SLC44A4: variants seen among roughly 807,000 people sequenced by gnomAD.
SLC44A4 encodes choline transporter-like protein 4.
In SLC44A4, 74 loss-of-function variants were observed where a neutral mutation model predicts 97.0. That is an observed-to-expected ratio of 0.76 (90% confidence interval 0.63 to 0.93). The LOEUF (loss-of-function observed/expected upper bound fraction) is 0.93. SLC44A4 is among the 40% of genes least tolerant of loss of function. The pLI is 0.00. For missense variants in SLC44A4, 799 were observed against 902.9 expected, an observed-to-expected ratio of 0.88 and a Z score of 1.48; for synonymous variants, 325 against 363.8, an observed-to-expected ratio of 0.89 and a Z score of 1.21.
chr6:31,874,238 C>T lies in SLC44A4; in HGVS notation c.529+222G>A, dbSNP rs1441716807. ...AGCTGAAGCAGGGAGCAGTTGTTAT[C>T]CCTGCCTCTGTCCCCAGCACCTGGC... On this transcript the variant is annotated intron_variant, in intron 7 of 20. Coordinates refer to ENST00000229729, the MANE Select transcript of SLC44A4 (RefSeq NM_025257.3). The surrounding 1 kb of genome is among the most constrained non-coding windows in gnomAD (Gnocchi z 4.8). 6.6e-6 allele frequency among the ~76,000 whole-genome samples: 1 copy of T among 152,190 alleles called. No homozygotes were observed. Among genetic ancestry groups the T allele is most frequent in the Non-Finnish European group, 1.5e-5 (1 of 68,036 alleles).
chr6:31,864,682 T>G lies in SLC44A4; in HGVS notation c.1981A>C (p.Met661Leu), dbSNP rs745650755. The G allele has an allele frequency of 6.2e-7, 1 of 1,613,478 alleles. No individual in the cohort carries two copies. Among genetic ancestry groups the G allele is most frequent in the Non-Finnish European group, 8.5e-7 (1 of 1,179,976 alleles). The change falls in exon 20 of 21, where the codon ATG (methionine) becomes CTG (leucine). Residue 661 changes from methionine (M) to leucine (L), a missense_variant. By Grantham distance (15) the Met-to-Leu change is conservative. Coordinates refer to ENST00000229729, the MANE Select transcript of SLC44A4 (RefSeq NM_025257.3). ...IASGFFSVFG[M>L]CVDTLFLCFL... Reference sequence around the variant, plus strand: ...CAGAGGAAGAGCGTGTCCACACACATGCCGAAAACGCTGAAGAAGCCGCTG... The same window carrying G: ...CAGAGGAAGAGCGTGTCCACACACAGGCCGAAAACGCTGAAGAAGCCGCTG...
rs373224045 is a variant in SLC44A4, at chr6:31,869,651, A to G, written c.1038-14T>C. 122 of 1,588,276 alleles carry G rather than the reference A, an allele frequency of 7.7e-5. No homozygotes were observed. The highest frequency in any genetic ancestry group is 9.4e-5 in the Non-Finnish European group (110 of 1,166,714). On this transcript the variant is annotated splice_polypyrimidine_tract_variant and intron_variant, in intron 11 of 20. Transcript: ENST00000229729. ...TGTCCCACAGCCCTGCAGGGAGACAAAGCTGTTAACCGGCACCGCCCCAGC... is the reference window on the plus strand; with the variant it reads ...TGTCCCACAGCCCTGCAGGGAGACAGAGCTGTTAACCGGCACCGCCCCAGC...
Position 31,863,276 on chromosome 6 carries a change from A to G in SLC44A4, c.*351T>C, listed in dbSNP as rs1008813329. 16 of 251,192 alleles carry G rather than the reference A, an allele frequency of 6.4e-5. No individual in the cohort carries two copies. Among genetic ancestry groups the G allele is most frequent in the Non-Finnish European group, 1.1e-4 (14 of 131,184 alleles). The allele number at this position is 251,192 out of a possible 1,614,324, so 15.6% of individuals were successfully genotyped here. A position where few individuals can be genotyped will look rare whatever the true frequency, so the allele number is the denominator to read the frequency against. Reference sequence around the variant, plus strand: ...AGACAGAGTCTGTCACCCAGGTTGGAGTGCAGTGGCGCGATCTCGGCTCAC... The same window carrying G: ...AGACAGAGTCTGTCACCCAGGTTGGGGTGCAGTGGCGCGATCTCGGCTCAC... On this transcript the variant is annotated 3_prime_UTR_variant, in exon 21 of 21. Transcript: ENST00000229729.
At chr6:31,869,854 G>A (rs769714246) in intron 11 of SLC44A4, among the ~76,000 whole-genome samples, 1 of 152,132 alleles carries the variant, frequency 6.6e-6, no homozygotes, top group Admixed American at 6.5e-5. Flanking sequence ...GCATGGTGGC[G>A]GGCGCCTGTA....
rs376956552 is a variant in SLC44A4 at position 31,876,097 on chromosome 6, A to G, written c.122T>C (p.Phe41Ser). ...SCTDVICCVLFLLFILGYIVV... is the reference protein window; with the variant it reads ...SCTDVICCVLSLLFILGYIVV... ...GATGTAACCTAGAATGAAGAGCAGGAAGAGGACGCAGCAGATGACATCTGT... is the reference window on the plus strand; with the variant it reads ...GATGTAACCTAGAATGAAGAGCAGGGAGAGGACGCAGCAGATGACATCTGT... Residue 41 changes from phenylalanine to serine, a missense_variant, in exon 3 of 21, where the codon TTC becomes TCC. By Grantham distance (155) the Phe-to-Ser change is radical. Coordinates refer to ENST00000229729, the MANE Select transcript of SLC44A4 (RefSeq NM_025257.3). The surrounding 1 kb of genome is among the most constrained non-coding windows in gnomAD (Gnocchi z 4.8). 16 of 1,613,564 alleles carry G rather than the reference A, an allele frequency of 9.9e-6. No homozygotes were observed. The highest frequency in any genetic ancestry group is 1.4e-5 in the Non-Finnish European group (16 of 1,179,920).
chr6:31,864,437 A>T (rs1440067120), intron 20 of SLC44A4: 12 of 600,480 alleles, frequency 2.0e-5, no homozygotes, highest in Non-Finnish European at 3.5e-5. Flanking sequence ...CTCCATCAGA[A>T]TGCTCCTTCT....
rs551617179 is a variant in SLC44A4, at chr6:31,877,144, G to A, written c.41-62C>T. Reference sequence around the variant, plus strand: ...CTCTCTGCATATCTTGTCCTGCTGAGTCCTCCTAGCCCCAGGATCCTACCC... The same window carrying A: ...CTCTCTGCATATCTTGTCCTGCTGAATCCTCCTAGCCCCAGGATCCTACCC... On this transcript the variant is annotated intron_variant, in intron 1 of 20. Transcript: ENST00000229729. This position sits in a 1 kb window ranked among gnomAD's most constrained non-coding sequence, Gnocchi z 6.5. 3.3e-6 allele frequency: 5 copies of A among 1,537,762 alleles called. No individual in the cohort carries two copies. Among genetic ancestry groups the A allele is most frequent in the South Asian group, 1.2e-5 (1 of 85,120 alleles).
chr6:31,871,023 C>G lies in SLC44A4; in HGVS notation c.726G>C (p.Leu242Phe). ...GCAGAAGCAAGATAAACAGTAGGCT[C>G]AAGACCAGAGCCACCCCCAGGGCAC... ...ILVALGVALV[L>F]SLLFILLLRL... The change falls in exon 10 of 21, where the codon TTG (leucine) becomes TTC (phenylalanine). Residue 242 changes from leucine to phenylalanine, a missense_variant. This residue lies in a region of SLC44A4 where 409 missense variants were observed against 434.1 expected (regional missense o/e 0.94). Coordinates refer to ENST00000229729, the MANE Select transcript of SLC44A4 (RefSeq NM_025257.3). 6.2e-7 allele frequency: 1 copy of G among 1,610,520 alleles called. No individual in the cohort carries two copies. The highest frequency in any genetic ancestry group is 8.5e-7 in the Non-Finnish European group (1 of 1,179,090).
rs187632744 is a variant in SLC44A4 at position 31,875,675 on chromosome 6, C to A, written c.242+177G>T. The A allele has an allele frequency of 4.7e-3, 2,887 of 620,024 alleles. 26 individuals are homozygous for A. Among genetic ancestry groups the A allele is most frequent in the Non-Finnish European group, 3.6e-3 (1,268 of 351,604 alleles). 38.4% of individuals were successfully genotyped at this position (620,024 alleles called of 1,614,324 possible). A position where few individuals can be genotyped will look rare whatever the true frequency, so the allele number is the denominator to read the frequency against. ...GGGACTCAAGAAGCTAACTGTCCAG[C>A]AATGGTTCTTAACGTGGCCTGGAGT... On this transcript the variant is annotated intron_variant, in intron 4 of 20. Coordinates refer to ENST00000229729, the MANE Select transcript of SLC44A4 (RefSeq NM_025257.3).
rs1319347483 is a variant in SLC44A4, at chr6:31,870,821, G to A, written c.928C>T (p.Leu310=). The change falls in exon 10 of 21, where the codon CTG becomes TTG. Residue 310 remains leucine (L), a synonymous_variant. Transcript: ENST00000229729. ...TGGGCAGGACACTCACGGGCGGCCA[G>A]CCAGGTCTCCTGCACGCTCTGGTAG... ...SAYQSVQETW[L]AALIVLAVLE... The A allele has an allele frequency of 1.2e-6, 2 of 1,613,066 alleles. No homozygotes were observed. Among genetic ancestry groups the A allele is most frequent in the Middle Eastern group, 1.7e-4 (1 of 6,060 alleles).
At position 31,871,317 on chromosome 6, in the gene SLC44A4, A is replaced by G. The variant is rs755569262; in HGVS notation, c.698T>C (p.Leu233Pro). ...GGAGGGGAATCTGGTGACTCACACA[A>G]GAATCCAATACCAGGACTGGGCAAA... ...EDFAQSWYWI[L>P]VALGVALVLS... Residue 233 changes from leucine to proline, a missense_variant, in exon 9 of 21, where the codon CTT (leucine) becomes CCT (proline). By Grantham distance (98) the Leu-to-Pro change is moderately conservative. Coordinates refer to ENST00000229729, the MANE Select transcript of SLC44A4 (RefSeq NM_025257.3). 5 of 1,613,782 alleles carry G rather than the reference A, an allele frequency of 3.1e-6. No homozygotes were observed. In the Admixed American group the frequency reaches 8.3e-5, roughly 27 times the overall value.
chr6:31,866,464 T>C (rs1173723662), intron 13 of SLC44A4, among the ~76,000 whole-genome samples: 1 of 152,218 alleles, frequency 6.6e-6, no homozygotes, highest in Non-Finnish European at 1.5e-5. Flanking sequence ...TAAGGAATTA[T>C]TGTTAATTTT....
intron 10 of SLC44A4, 40 bp from the exon 11 acceptor site, chr6:31,870,742 G>A: frequency 6.2e-7 from 1 of 1,611,586 alleles, no homozygotes; most frequent in Non-Finnish European, 8.5e-7. Context: ...TCAGGGCCAG[G>A]GCTGGGGCCG....
intron 4 of SLC44A4, 40 bp from the exon 5 acceptor site, chr6:31,875,068 A>T: frequency 2.0e-6 from 3 of 1,495,540 alleles, no homozygotes; most frequent in Non-Finnish European, 2.8e-6. Flanking sequence ...GGGCCTGGTC[A>T]GGTGTTGGGG....
chr6:31,869,468 C>A, intron 12 of SLC44A4, 77 bp downstream of exon 12: 1 of 1,290,974 alleles, frequency 7.7e-7, no homozygotes. Flanking sequence ...CCAAGGCACT[C>A]TACAGGGCAA....
chr6:31,866,754 C>T (rs1480487279), intron 13 of SLC44A4, among the ~76,000 whole-genome samples: 1 of 151,956 alleles, frequency 6.6e-6, no homozygotes, highest in Admixed American at 6.6e-5. Context: ...ATTAGCCGGG[C>T]GTGGTGGCAG....
rs1763167650 is a variant in SLC44A4 at position 31,871,374 on chromosome 6, G to C, written c.641C>G (p.Ala214Gly). ...GISGLIDSLN[A>G]RDISVKIFED... ...AAAGATCTTAACACTGATGTCTCGG[G>C]CATTGAGGCTGTCAATAAGACCGCT... is the stretch of plus-strand genomic sequence containing the variant. Residue 214 changes from alanine (A) to glycine (G), a missense_variant, in exon 9 of 21, where the codon GCC (alanine) becomes GGC (glycine). Physicochemically the swap from Ala to Gly is moderately conservative, Grantham distance 60. Around this residue, in one of 3 missense-constraint regions of SLC44A4, gnomAD observed 409 missense variants for 434.1 expected, o/e 0.94. Coordinates refer to ENST00000229729, the MANE Select transcript of SLC44A4 (RefSeq NM_025257.3). 1.2e-6 allele frequency: 2 copies of C among 1,614,190 alleles called. No individual in the cohort carries two copies. The highest frequency in any genetic ancestry group is 2.7e-5 in the African/African-American group (2 of 75,032).
chr6:31,878,903 C>G lies in SLC44A4; in HGVS notation c.40+38G>C, dbSNP rs1284058157. The stretch of plus-strand genomic sequence containing the variant: ...CCATTCCCAAAGTACCCGTCCTCCC[C>G]TCCCTCCACAGGGTCCCGGGCCTCG... On this transcript the variant is annotated intron_variant, in intron 1 of 20. Coordinates refer to ENST00000229729, the MANE Select transcript of SLC44A4 (RefSeq NM_025257.3). This position sits in a 1 kb window ranked among gnomAD's most constrained non-coding sequence, Gnocchi z 4.0. 2 of 1,609,828 alleles carry G rather than the reference C, an allele frequency of 1.2e-6. No individual in the cohort carries two copies. The highest frequency in any genetic ancestry group is 1.7e-6 in the Non-Finnish European group (2 of 1,176,316).
At chr6:31,864,509 G>A in intron 20 of SLC44A4, 143 bp downstream of exon 20, 1 of 753,142 alleles carries the variant, frequency 1.3e-6, no homozygotes, top group South Asian at 1.7e-5. Context: ...CCTGGCCTCA[G>A]GATGTCACAA....
Sources: gnomAD v4.1 joint callset for allele counts (sites outside exome capture counted in the v4.1 genomes callset) on GRCh38, gnomAD v4.1.1 for gene constraint, gnomAD v4.1.1 regional missense constraint, Gnocchi (gnomAD v3.1) non-coding constraint, MANE v1.5 for transcripts, NCBI Gene and HGNC (gene_info 2026-07-23, HGNC 2026-07-21) for gene names.